The following NPIPA5 variants were observed in gnomAD, a reference collection of about 807,000 sequenced individuals.
NPIPA5 encodes the protein nuclear pore complex interacting protein family member A5.
In NPIPA5, 6 loss-of-function variants were observed where a neutral mutation model predicts 21.4. The observed-to-expected ratio is 0.28, with a 90% CI of 0.15 to 0.55. The LOEUF is 0.55. Ranked by LOEUF, NPIPA5 falls within the 20% of genes least tolerant of loss-of-function variation. The pLI is 0.93. For missense variants in NPIPA5, 99 were observed against 318.2 expected, an observed-to-expected ratio of 0.31 and a Z score of 5.24; for synonymous variants, 33 against 115.3, an observed-to-expected ratio of 0.29 and a Z score of 4.57.
upstream of NPIPA5, among the ~76,000 whole-genome samples, chr16:15,379,814 G>A (rs2050393260): frequency 6.6e-6 from 1 of 151,696 alleles, no homozygotes; most frequent in South Asian, 2.1e-4. Context: ...GCATGGTGGC[G>A]CATACCTGTA....
intron 2 of NPIPA5, among the ~76,000 whole-genome samples, chr16:15,371,957 A>G (rs1197303214): frequency 2.1e-5 from 3 of 143,932 alleles, no homozygotes; most frequent in Admixed American, 7.4e-5. Context: ...AGCTACTGCT[A>G]GATTTCATAG....
In NPIPA5 at chr16:15,366,727, G is replaced by A. The variant is rs556117419; in HGVS notation, c.471C>T (p.His157=). The change falls in exon 5 of 8, where the codon CAC becomes CAT. Residue 157 remains histidine (H), a synonymous_variant. Transcript: ENST00000360151. ...LRKLSMKERE[H]GEKERQVSEA... is the part of the protein sequence containing the mutation. ...CTGACACCTGCCTCTCCTTTTCTCCGTGCTCACGTTCTTTCATGCTTAGTT... is the reference window on the plus strand; with the variant it reads ...CTGACACCTGCCTCTCCTTTTCTCCATGCTCACGTTCTTTCATGCTTAGTT... 559 of 1,533,550 alleles carry A rather than the reference G, an allele frequency of 3.6e-4. 3 individuals are homozygous for A. In the East Asian group the frequency reaches 5.1e-3, roughly 14 times the overall value. 95.0% of individuals were successfully genotyped at this position (1,533,550 alleles called of 1,614,324 possible). A position where few individuals can be genotyped will look rare whatever the true frequency, so the allele number is the denominator to read the frequency against.
chr16:15,379,284 C>T (rs550994218), upstream of NPIPA5, among the ~76,000 whole-genome samples: 1 of 152,292 alleles, frequency 6.6e-6, no homozygotes, highest in Admixed American at 6.5e-5. Context: ...CAAAAGAAAA[C>T]AGGGGCTGGG....
In NPIPA5 at chr16:15,374,324, G is replaced by A. The variant is rs973569962; in HGVS notation, c.64-481C>T. On this transcript the variant is annotated intron_variant, in intron 1 of 7. Transcript: ENST00000360151. ...AGCCATTCTCCTGCCTCAGCCTCCC[G>A]AGCAGCTGAGATTACCGGTCTCTGC... 1.1e-4 allele frequency among the ~76,000 whole-genome samples: 16 copies of A among 150,722 alleles called. 1 individual carries two copies. In the East Asian group the frequency reaches 2.2e-3, roughly 20 times the overall value.
At chr16:15,379,163 A>G (rs2050378248), upstream of NPIPA5, among the ~76,000 whole-genome samples, 1 of 152,166 alleles carries the variant, frequency 6.6e-6, no homozygotes, top group African/African-American at 2.4e-5. Context: ...TCCCTTTACC[A>G]TTTACTATGA....
At chr16:15,370,587 G>T (rs1192648581) in intron 2 of NPIPA5, among the ~76,000 whole-genome samples, 1 of 143,700 alleles carries the variant, frequency 7.0e-6, no homozygotes, top group African/African-American at 2.5e-5. Flanking sequence ...CGCTGTCTCT[G>T]CTAAAAATAC....
chr16:15,380,411 C>G (rs2050411714), upstream of NPIPA5, among the ~76,000 whole-genome samples: 1 of 151,896 alleles, frequency 6.6e-6, no homozygotes, highest in Non-Finnish European at 1.5e-5. Context: ...AAACCTCCAC[C>G]TCCTGAATTT....
intron 4 of NPIPA5, among the ~76,000 whole-genome samples, 176 bp downstream of exon 4, chr16:15,369,536 T>C (rs2050089009): frequency 6.6e-6 from 1 of 151,048 alleles, no homozygotes; most frequent in Non-Finnish European, 1.5e-5. Flanking sequence ...AACAAGATTG[T>C]AGGAAGGGAA....
chr16:15,377,737 G>C (rs1012965415), intron 1 of NPIPA5, among the ~76,000 whole-genome samples: 1 of 139,944 alleles, frequency 7.1e-6, no homozygotes, highest in African/African-American at 2.6e-5. Context: ...GAGAAGAAAG[G>C]GGTCTGGGAA....
At chr16:15,367,128 C>A (rs1269611709) in intron 4 of NPIPA5, among the ~76,000 whole-genome samples, 1 of 152,134 alleles carries the variant, frequency 6.6e-6, no homozygotes, top group Non-Finnish European at 1.5e-5. Context: ...AAAAACCAGA[C>A]CTCACCAATT....
At chr16:15,367,434 A>T (rs1304107579) in intron 4 of NPIPA5, among the ~76,000 whole-genome samples, 1 of 152,072 alleles carries the variant, frequency 6.6e-6, no homozygotes, top group African/African-American at 2.4e-5. Context: ...TGTCCTGAAA[A>T]TAGGTGACAA....
upstream of NPIPA5, chr16:15,381,070 C>T: frequency 6.5e-7 from 1 of 1,531,690 alleles, no homozygotes; most frequent in African/African-American, 1.4e-5. Flanking sequence ...AACAGGGGCT[C>T]ATGATGAGTG....
upstream of NPIPA5, chr16:15,380,852 C>G (rs866108900): frequency 1.6e-6 from 1 of 642,408 alleles, no homozygotes; most frequent in Non-Finnish European, 2.6e-6. Flanking sequence ...CAGCATCACC[C>G]GCTATGAGAT....
upstream of NPIPA5, among the ~76,000 whole-genome samples, chr16:15,379,827 C>G (rs1338537928): frequency 6.6e-6 from 1 of 151,830 alleles, no homozygotes; most frequent in African/African-American, 2.4e-5. Flanking sequence ...TACCTGTAGT[C>G]CCAGCTACTC....
In NPIPA5 at chr16:15,363,879, G is replaced by C; in HGVS notation, c.833C>G (p.Ala278Gly). 1.2e-6 allele frequency: 2 copies of C among 1,603,558 alleles called. No homozygotes were observed. Among genetic ancestry groups the C allele is most frequent in the African/African-American group, 2.7e-5 (2 of 74,736 alleles). The stretch of plus-strand genomic sequence containing the variant: ...GGGAGGTGTCTTGAGATTATCATCC[G>C]CTGAGGGTGGAAGGGGATAGAGCAG... ...ERLLYPLPPS[A>G]DDNLKTPPEC... Residue 278 changes from alanine (A) to glycine (G), a missense_variant, in exon 8 of 8, where the codon GCG (alanine) becomes GGG (glycine). By Grantham distance (60) the Ala-to-Gly change is moderately conservative. Transcript: ENST00000360151.
upstream of NPIPA5, among the ~76,000 whole-genome samples, chr16:15,379,290 C>T (rs1471228733): frequency 6.6e-6 from 1 of 152,210 alleles, no homozygotes; most frequent in Non-Finnish European, 1.5e-5. Flanking sequence ...AAAACAGGGG[C>T]TGGGTGTGGT....
Position 15,376,657 on chromosome 16 carries a change from G to T in NPIPA5, c.63+1575C>A, listed in dbSNP as rs1383745418. Among the ~76,000 whole-genome samples, 5 of 152,176 alleles carry T rather than the reference G, an allele frequency of 3.3e-5. No homozygotes were observed. In the South Asian group the frequency reaches 1.0e-3, roughly 32 times the overall value. On this transcript the variant is annotated intron_variant, in intron 1 of 7. Coordinates refer to ENST00000360151, the MANE Select transcript of NPIPA5 (RefSeq NM_001277325.2). ...ATTTTGGCCAGGCGCGGTGGCTCAC[G>T]CCTGTAATCCCAGCACTGGGAGGCT...
intron 2 of NPIPA5, among the ~76,000 whole-genome samples, chr16:15,372,333 A>C (rs2050179124): frequency 1.4e-5 from 2 of 147,996 alleles, no homozygotes; most frequent in African/African-American, 4.9e-5. Context: ...AAAAATACAC[A>C]AATTAGCTGG....
chr16:15,377,511 C>A (rs766477651), intron 1 of NPIPA5, among the ~76,000 whole-genome samples: 1 of 143,140 alleles, frequency 7.0e-6, no homozygotes, highest in Non-Finnish European at 1.5e-5. Flanking sequence ...GAGCAGCCAC[C>A]GCACCCGCAT....
Sources: gnomAD v4.1 joint callset for allele counts (sites outside exome capture counted in the v4.1 genomes callset) on GRCh38, gnomAD v4.1.1 for gene constraint, MANE v1.5 for transcripts, NCBI Gene and HGNC (gene_info 2026-07-23, HGNC 2026-07-21) for gene names.